Variants in ACSM3 observed in about 807,000 individuals in gnomAD.
ACSM3 encodes the protein acyl-coenzyme A synthetase ACSM3, mitochondrial.
Under a neutral mutation model 74.1 loss-of-function variants are expected in ACSM3, and 61 were observed. The observed-to-expected ratio is 0.82, with a 90% CI of 0.67 to 1.02. ACSM3 has a LOEUF of 1.02. Ranked by LOEUF, ACSM3 falls within the 50% of genes least tolerant of loss-of-function variation. ACSM3 has a pLI of 0.00. For synonymous variants in ACSM3, 213 were observed against 241.5 expected (o/e 0.88, Z 1.09); for missense variants, 660 against 697.0 (o/e 0.95, Z 0.60).
rs1328650554 is a variant in ACSM3, at chr16:20,685,003, GT to G, written c.-190+10185del. 1.2e-4 allele frequency among the ~76,000 whole-genome samples: 19 copies of G among 152,168 alleles called. 1 individual carries two copies. Among genetic ancestry groups the G allele is most frequent in the Admixed American group, 1.2e-3 (19 of 15,268 alleles). Reference sequence around the variant, plus strand: ...AAAGGAGGTACAGAGAAGAGAAATTGTTTTGTCTCTAATTAAACTGATAATT... The same window carrying G: ...AAAGGAGGTACAGAGAAGAGAAATTGTTTGTCTCTAATTAAACTGATAATT... On this transcript the variant is annotated intron_variant, in intron 1 of 3. Transcript: ENST00000561584.
At chr16:20,754,498 A>G (rs1379231903) in intron 2 of ACSM3, among the ~76,000 whole-genome samples, 1 of 152,182 alleles carries the variant, frequency 6.6e-6, no homozygotes, top group African/African-American at 2.4e-5. Context: ...TCCCACCAGA[A>G]CAGTGCAAAT....
At chr16:20,731,990 A>G (rs749216596) in intron 1 of ACSM3, among the ~76,000 whole-genome samples, 35 of 152,200 alleles carry the variant, frequency 2.3e-4, no homozygotes, top group Non-Finnish European at 3.8e-4. Context: ...CCCATTCTGT[A>G]TAAGAAAAGC....
At chr16:20,769,786 C>G (rs1419081205) in intron 1 of ACSM3, among the ~76,000 whole-genome samples, 198 bp from the exon 2 acceptor site, 3 of 152,048 alleles carry the variant, frequency 2.0e-5, no homozygotes, top group Non-Finnish European at 4.4e-5. Context: ...ATAATAGTAC[C>G]CACTTCACAG....
chr16:20,770,781 T>C (rs1246496750), intron 2 of ACSM3, among the ~76,000 whole-genome samples: 1 of 152,178 alleles, frequency 6.6e-6, no homozygotes. Context: ...TATACATAGT[T>C]ATGGGGTACA....
chr16:20,763,194 C>T (rs967790322), upstream of ACSM3, among the ~76,000 whole-genome samples: 1 of 152,160 alleles, frequency 6.6e-6, no homozygotes, highest in Non-Finnish European at 1.5e-5. Flanking sequence ...GCAATAGATA[C>T]ACCATCAAAC....
chr16:20,777,265 G>A (rs2152461739), intron 3 of ACSM3, 108 bp from the exon 4 acceptor site: 1 of 1,044,864 alleles, frequency 9.6e-7, no homozygotes, highest in East Asian at 2.6e-5. Context: ...CTGGTAAACT[G>A]ACTAACTCAC....
rs115973669 is a variant in ACSM3 at position 20,697,326 on chromosome 16, T to C, written c.-190+22504T>C. 8.4e-3 allele frequency among the ~76,000 whole-genome samples: 1,281 copies of C among 152,220 alleles called. 17 individuals carry two copies. The highest frequency in any genetic ancestry group is 0.028 in the African/African-American group (1,166 of 41,524). On this transcript the variant is annotated intron_variant, in intron 1 of 3. Transcript: ENST00000561584. The stretch of plus-strand genomic sequence containing the variant: ...TTTCCTTCAAACATTCATCTCTGAC[T>C]TTGTGCCTGTCTCCCACGGCTCACC...
intron 6 of ACSM3, 66 bp from the exon 7 acceptor site, chr16:20,781,642 C>T: frequency 8.3e-7 from 1 of 1,210,566 alleles, no homozygotes; most frequent in Non-Finnish European, 1.2e-6. Context: ...GCTGCGTCAA[C>T]CAAAGACATT....
chr16:20,685,844 A>C (rs1464236756), intron 1 of ACSM3, among the ~76,000 whole-genome samples: 1 of 123,118 alleles, frequency 8.1e-6, no homozygotes, highest in East Asian at 3.1e-4. Context: ...AACAAAAAAA[A>C]AACAAAAAAC....
At chr16:20,749,636 G>A (rs1028222754) in intron 1 of ACSM3, 2 of 152,452 alleles carry the variant, frequency 1.3e-5, no homozygotes, top group Non-Finnish European at 2.9e-5. Context: ...AGAGACAGTA[G>A]AGCAGGGGTG....
intron 1 of ACSM3, among the ~76,000 whole-genome samples, chr16:20,701,683 C>T (rs2079713241): frequency 6.6e-6 from 1 of 152,094 alleles, no homozygotes; most frequent in Non-Finnish European, 1.5e-5. Context: ...CTAATGCTCT[C>T]CCTCCCTTTC....
intron 2 of ACSM3, among the ~76,000 whole-genome samples, chr16:20,770,625 T>G (rs12919474): frequency 0.13 from 20,146 of 151,792 alleles, 1,376 homozygotes; most frequent in East Asian, 0.21. Flanking sequence ...ATGTAAAGGA[T>G]GCAAGAATTC....
chr16:20,716,497 C>T (rs2079762296), intron 1 of ACSM3, among the ~76,000 whole-genome samples: 1 of 152,078 alleles, frequency 6.6e-6, no homozygotes, highest in South Asian at 2.1e-4. Flanking sequence ...CCTTGTGGCC[C>T]CTGGAATGTG....
At chr16:20,742,755 G>A (rs978807642) in intron 1 of ACSM3, among the ~76,000 whole-genome samples, 4 of 149,668 alleles carry the variant, frequency 2.7e-5, no homozygotes, top group Admixed American at 6.7e-5. Flanking sequence ...GTTGCTTCCC[G>A]GTCTGGTGAT....
intron 3 of ACSM3, chr16:20,755,690 T>C (rs2080024073): frequency 6.6e-6 from 1 of 150,488 alleles, no homozygotes; most frequent in African/African-American, 2.4e-5. Flanking sequence ...AATGTGCAGG[T>C]TAGTTACATA....
At chr16:20,735,159 T>C (rs2152414031) in intron 1 of ACSM3, 1 of 152,348 alleles carries the variant, frequency 6.6e-6, no homozygotes, top group East Asian at 1.9e-4. Context: ...TGTCCATTTG[T>C]TCATGTGATG....
chr16:20,703,299 C>A (rs566729197), intron 1 of ACSM3: 2 of 152,276 alleles, frequency 1.3e-5, no homozygotes, highest in South Asian at 4.1e-4. Context: ...TATATGGGCT[C>A]TTTTTTGTTC....
chr16:20,769,625 G>A (rs888723505), intron 1 of ACSM3, among the ~76,000 whole-genome samples: 2 of 152,220 alleles, frequency 1.3e-5, no homozygotes, highest in Non-Finnish European at 2.9e-5. Flanking sequence ...GTGAGATTAA[G>A]TGGGTGACCC....
At chr16:20,736,007 G>A (rs1349779505) in intron 1 of ACSM3, 1 of 152,088 alleles carries the variant, frequency 6.6e-6, no homozygotes, top group Non-Finnish European at 1.5e-5. Context: ...CTGAACAAAA[G>A]CCTTACTGTT....
Sources: allele counts gnomAD v4.1 joint callset (sites outside exome capture counted in the v4.1 genomes callset), GRCh38; gene constraint gnomAD v4.1.1; transcripts MANE v1.5; gene names NCBI Gene and HGNC (gene_info 2026-07-23, HGNC 2026-07-21).